Variants in SPAG16 observed in about 807,000 individuals in gnomAD.
SPAG16 encodes the protein sperm associated antigen 16.
Under a neutral mutation model 80.4 loss-of-function variants are expected in SPAG16, and 86 were observed. That is an observed-to-expected ratio of 1.07 (90% CI 0.90 to 1.28). The LOEUF (loss-of-function observed/expected upper bound fraction) is 1.28. Among genes scored for constraint, SPAG16 ranks in the 50% most tolerant of loss-of-function variants. The pLI is 0.00. For synonymous variants in SPAG16, 294 were observed against 265.9 expected, an observed-to-expected ratio of 1.11 and a Z score of -1.03; for missense variants, 870 against 765.3, an observed-to-expected ratio of 1.14 and a Z score of -1.61.
At chr2:213,942,956 G>T (rs764569939) in intron 12 of SPAG16, among the ~76,000 whole-genome samples, 25 of 152,224 alleles carry the variant, frequency 1.6e-4, no homozygotes, top group Admixed American at 1.2e-3. Flanking sequence ...TGAGATTAGT[G>T]CCCTTATATA....
intron 12 of SPAG16, among the ~76,000 whole-genome samples, chr2:213,960,150 T>C (rs2044340380): frequency 6.6e-6 from 1 of 152,230 alleles, no homozygotes; most frequent in Non-Finnish European, 1.5e-5. Flanking sequence ...TGCTCAAATA[T>C]GCCTTTGAAT....
chr2:213,345,875 G>A (rs1157677300), intron 6 of SPAG16, among the ~76,000 whole-genome samples: 1 of 152,082 alleles, frequency 6.6e-6, no homozygotes, highest in Non-Finnish European at 1.5e-5. Context: ...CTCTTTTTTG[G>A]ATCCATATGA....
intron 11 of SPAG16, among the ~76,000 whole-genome samples, chr2:213,922,095 G>A (rs893357406): frequency 2.0e-5 from 3 of 152,142 alleles, no homozygotes. Flanking sequence ...AAGTTTTCAT[G>A]TACAATATCC....
chr2:214,376,748 A>G (rs1700158993), intron 15 of SPAG16, among the ~76,000 whole-genome samples: 1 of 152,156 alleles, frequency 6.6e-6, no homozygotes, highest in Non-Finnish European at 1.5e-5. Context: ...AAAAGGGAAA[A>G]GGTTTCATTC....
chr2:213,575,949 C>A (rs2060109609), intron 10 of SPAG16, among the ~76,000 whole-genome samples: 1 of 151,980 alleles, frequency 6.6e-6, no homozygotes, highest in Non-Finnish European at 1.5e-5. Context: ...TTTTAAGTTT[C>A]TTTTGCTTTT....
At chr2:213,698,960 G>A (rs2065279461) in intron 10 of SPAG16, among the ~76,000 whole-genome samples, 1 of 152,126 alleles carries the variant, frequency 6.6e-6, no homozygotes, top group Non-Finnish European at 1.5e-5. Context: ...TGGCATATAG[G>A]GGGTTAATAA....
intron 10 of SPAG16, among the ~76,000 whole-genome samples, chr2:213,840,641 A>G (rs2074316854): frequency 6.6e-6 from 1 of 152,176 alleles, no homozygotes; most frequent in African/African-American, 2.4e-5. Flanking sequence ...GGAGACGACC[A>G]GTTAGAGAAA....
intron 15 of SPAG16, among the ~76,000 whole-genome samples, chr2:214,179,867 T>G (rs1306067407): frequency 6.6e-6 from 1 of 151,558 alleles, no homozygotes; most frequent in Non-Finnish European, 1.5e-5. Context: ...TGGTTTTATG[T>G]GCTTAGAATT....
intron 9 of SPAG16, among the ~76,000 whole-genome samples, chr2:213,461,185 G>A (rs1374252948): frequency 6.6e-6 from 1 of 152,118 alleles, no homozygotes; most frequent in African/African-American, 2.4e-5. Flanking sequence ...ATAGGTGAAT[G>A]GAAGGACTAT....
At chr2:213,933,382 G>A (rs1227291895) in intron 12 of SPAG16, among the ~76,000 whole-genome samples, 1 of 152,006 alleles carries the variant, frequency 6.6e-6, no homozygotes, top group Non-Finnish European at 1.5e-5. Context: ...AAGCAATAAG[G>A]GAATATGCAA....
At chr2:214,067,665 T>C (rs1055796985) in intron 13 of SPAG16, among the ~76,000 whole-genome samples, 1 of 152,156 alleles carries the variant, frequency 6.6e-6, no homozygotes, top group Admixed American at 6.6e-5. Context: ...TTAAGAATGC[T>C]ATCATAATGA....
intron 10 of SPAG16, among the ~76,000 whole-genome samples, chr2:213,500,880 G>A (rs376344518): frequency 1.3e-5 from 2 of 152,186 alleles, no homozygotes; most frequent in East Asian, 1.9e-4. Flanking sequence ...CCCTAATCAC[G>A]GCAAAGCAAT....
chr2:213,926,030 A>G (rs914070628), intron 11 of SPAG16, among the ~76,000 whole-genome samples: 1 of 152,060 alleles, frequency 6.6e-6, no homozygotes. Context: ...ATGTGGTTCT[A>G]GGTCTTAAAT....
intron 11 of SPAG16, among the ~76,000 whole-genome samples, chr2:213,873,284 A>G (rs1446245490): frequency 6.6e-6 from 1 of 151,914 alleles, no homozygotes; most frequent in Admixed American, 6.6e-5. Flanking sequence ...TTTTTTTCTC[A>G]TATTTGTTGC....
chr2:213,745,585 G>A (rs1300322657), intron 10 of SPAG16, among the ~76,000 whole-genome samples: 2 of 152,046 alleles, frequency 1.3e-5, no homozygotes, highest in African/African-American at 4.8e-5. Flanking sequence ...TTATATTTAA[G>A]TTATAGATAT....
At chr2:214,335,959 G>A (rs371556671) in intron 15 of SPAG16, among the ~76,000 whole-genome samples, 105 of 151,796 alleles carry the variant, frequency 6.9e-4, no homozygotes, top group African/African-American at 1.4e-3. Flanking sequence ...GGGTTTCACC[G>A]TGTTAGCCAG....
chr2:213,825,007 AT>A (rs988985731), intron 10 of SPAG16, among the ~76,000 whole-genome samples: 2 of 149,384 alleles, frequency 1.3e-5, no homozygotes, highest in African/African-American at 4.9e-5. Context: ...TACTTTCTTG[AT>A]TTTTTTTTCA....
At chr2:213,763,925 C>T (rs1274721288) in intron 10 of SPAG16, among the ~76,000 whole-genome samples, 2 of 152,074 alleles carry the variant, frequency 1.3e-5, no homozygotes, top group South Asian at 2.1e-4. Context: ...GACTAATGAG[C>T]GAGGTTTGCA....
rs11901413 is a variant in SPAG16, at chr2:214,372,522, G to T, written c.1721-37618G>T. 7.1e-3 allele frequency among the ~76,000 whole-genome samples: 1,079 copies of T among 152,270 alleles called. 10 individuals are homozygous for T. The highest frequency in any genetic ancestry group is 0.025 in the African/African-American group (1,040 of 41,552). ...TATTTGAAATATATCTCTGGGAATT[G>T]TTTTAAACCAAATTTTAAGACTCCA... On this transcript the variant is annotated intron_variant, in intron 15 of 15. Coordinates refer to ENST00000331683, the MANE Select transcript of SPAG16 (RefSeq NM_024532.5).
Sources: allele counts gnomAD v4.1 joint callset (sites outside exome capture counted in the v4.1 genomes callset), GRCh38; gene constraint gnomAD v4.1.1; transcripts MANE v1.5; gene names NCBI Gene and HGNC (gene_info 2026-07-23, HGNC 2026-07-21).